RPAP2: variants seen among roughly 807,000 people sequenced by gnomAD.
The protein encoded by RPAP2 is RNA polymerase II associated protein 2.
RPAP2 carries 52 observed loss-of-function variants against 73.1 expected under a neutral mutation model. That is an observed-to-expected ratio of 0.71 (90% CI 0.57 to 0.90). The LOEUF (loss-of-function observed/expected upper bound fraction) is 0.90, where lower values mean the gene tolerates loss of function less well. Among genes scored for constraint, RPAP2 ranks in the 40% least tolerant of loss-of-function variants. RPAP2 has a pLI of 0.00. For synonymous variants in RPAP2, 225 were observed against 242.1 expected (o/e 0.93, Z 0.65); for missense variants, 598 against 701.8 (o/e 0.85, Z 1.67).
chr1:92,309,290 A>C (rs974350104), intron 6 of RPAP2, among the ~76,000 whole-genome samples: 1 of 151,900 alleles, frequency 6.6e-6, no homozygotes, highest in African/African-American at 2.4e-5. Flanking sequence ...AAAAATACAA[A>C]AATTAGCTGG....
intron 2 of RPAP2, among the ~76,000 whole-genome samples, chr1:92,300,639 T>A (rs1650772405): frequency 6.6e-6 from 1 of 152,124 alleles, no homozygotes. Context: ...TAGTTCTGGT[T>A]CTAAAAAGGC....
At position 92,379,266 on chromosome 1, in the gene RPAP2, C is replaced by A. The variant is rs1655516185; in HGVS notation, c.1689-1458C>A. On this transcript the variant is annotated intron_variant, in intron 11 of 12. Coordinates refer to ENST00000610020, the MANE Select transcript of RPAP2 (RefSeq NM_024813.3). Reference sequence around the variant, plus strand: ...TTATTAAATATGCCCAGGCAAATAACCAAGGTTAAATAAATATCTGAAAGA... The same window carrying A: ...TTATTAAATATGCCCAGGCAAATAAACAAGGTTAAATAAATATCTGAAAGA... Among the ~76,000 whole-genome samples, 3 of 151,920 alleles carry A rather than the reference C, an allele frequency of 2.0e-5. 1 individual carries two copies. The South Asian group carries it at 6.2e-4, about 31-fold the overall frequency.
intron 12 of RPAP2, among the ~76,000 whole-genome samples, chr1:92,385,734 A>G (rs1316348773): frequency 6.6e-6 from 1 of 152,220 alleles, no homozygotes; most frequent in African/African-American, 2.4e-5. Flanking sequence ...GTTACTAACA[A>G]ATTTCTCCAA....
At chr1:92,338,990 A>G (rs1042014390) in intron 10 of RPAP2, among the ~76,000 whole-genome samples, 4 of 152,310 alleles carry the variant, frequency 2.6e-5, no homozygotes, top group Admixed American at 1.3e-4. Context: ...GCAAACCGAT[A>G]AAGTTATGCT....
chr1:92,375,803 C>G (rs1655361666), intron 11 of RPAP2, among the ~76,000 whole-genome samples: 1 of 151,966 alleles, frequency 6.6e-6, no homozygotes, highest in Non-Finnish European at 1.5e-5. Context: ...TGCACCCCAG[C>G]CTGGGTGACA....
At chr1:92,358,497 T>C (rs76212278) in intron 11 of RPAP2, among the ~76,000 whole-genome samples, 2,122 of 152,332 alleles carry the variant, frequency 0.014, 49 homozygotes, top group African/African-American at 0.047. Flanking sequence ...TTAGCACTTA[T>C]CCTGTTTTCA....
chr1:92,358,472 A>G (rs1375730284), intron 11 of RPAP2, among the ~76,000 whole-genome samples: 1 of 152,036 alleles, frequency 6.6e-6, no homozygotes, highest in Admixed American at 6.6e-5. Flanking sequence ...TTACAACACT[A>G]TATACTTTTC....
chr1:92,379,293 C>T (rs565027655), intron 11 of RPAP2, among the ~76,000 whole-genome samples: 1 of 152,090 alleles, frequency 6.6e-6, no homozygotes, highest in African/African-American at 2.4e-5. Context: ...TCTGAAAGAG[C>T]TTTGTGGGAA....
rs1431859325 is a variant in RPAP2, at chr1:92,398,540, C to A, written c.*11529C>A. 6.6e-6 allele frequency: 1 copy of A among 152,152 alleles called. No individual in the cohort carries two copies. The highest frequency in any genetic ancestry group is 2.4e-5 in the African/African-American group (1 of 41,438). 9.4% of individuals were successfully genotyped at this position (152,152 alleles called of 1,614,324 possible). On this transcript the variant is annotated 3_prime_UTR_variant, in exon 13 of 13. Transcript: ENST00000610020. ...ATCTTTAGTAGCCTCACATTATAAGCCCTTCGTAGAAAAAGAAAAGTAAGC... is the reference window on the plus strand; with the variant it reads ...ATCTTTAGTAGCCTCACATTATAAGACCTTCGTAGAAAAAGAAAAGTAAGC...
chr1:92,312,418 CAAA>C (rs55719262), intron 6 of RPAP2, among the ~76,000 whole-genome samples: 1 of 146,788 alleles, frequency 6.8e-6, no homozygotes, highest in Admixed American at 6.8e-5. Context: ...GACCGTGTCT[CAAA>C]AAAAAAAAAA....
At chr1:92,309,044 GCTCA>G (rs1228032689) in intron 6 of RPAP2, among the ~76,000 whole-genome samples, 2 of 152,158 alleles carry the variant, frequency 1.3e-5, no homozygotes, top group South Asian at 2.1e-4. Context: ...TATTCAGAAT[GCTCA>G]CTGTTTCCCA....
chr1:92,311,908 A>T (rs1040671540), intron 6 of RPAP2, among the ~76,000 whole-genome samples: 1 of 152,186 alleles, frequency 6.6e-6, no homozygotes, highest in African/African-American at 2.4e-5. Flanking sequence ...GCAAGTATTA[A>T]TCTTTTTGCT....
intron 11 of RPAP2, among the ~76,000 whole-genome samples, chr1:92,357,184 A>T (rs533679489): frequency 3.3e-5 from 5 of 152,306 alleles, no homozygotes; most frequent in Admixed American, 3.3e-4. Flanking sequence ...AGGGAATACA[A>T]AGATTAAACA....
At chr1:92,321,075 T>C (rs1652226917) in intron 7 of RPAP2, among the ~76,000 whole-genome samples, 1 of 152,220 alleles carries the variant, frequency 6.6e-6, no homozygotes, top group Admixed American at 6.5e-5. Context: ...TTTCTAAACT[T>C]TCCTCATGGT....
intron 11 of RPAP2, among the ~76,000 whole-genome samples, chr1:92,374,886 T>C (rs1655320631): frequency 6.6e-6 from 1 of 152,028 alleles, no homozygotes; most frequent in African/African-American, 2.4e-5. Context: ...GGGTGATGGG[T>C]GCACCAGAAT....
At chr1:92,312,039 G>A (rs1034482854) in intron 6 of RPAP2, among the ~76,000 whole-genome samples, 8 of 152,122 alleles carry the variant, frequency 5.3e-5, no homozygotes, top group Non-Finnish European at 8.8e-5. Flanking sequence ...TGCACTGATC[G>A]ACTTCCTTTC....
chr1:92,327,598 G>A (rs189903101), intron 8 of RPAP2, among the ~76,000 whole-genome samples: 8 of 152,070 alleles, frequency 5.3e-5, no homozygotes, highest in Non-Finnish European at 1.0e-4. Context: ...TGGTGAATTC[G>A]TATTAATTTT....
Position 92,346,052 on chromosome 1 carries a change from T to C in RPAP2, c.1688+138T>C, listed in dbSNP as rs559224136. 567 of 543,556 alleles carry C rather than the reference T, an allele frequency of 1.0e-3. 9 individuals carry two copies. In the South Asian group the frequency reaches 0.017, roughly 16 times the overall value. 33.7% of individuals were successfully genotyped at this position (543,556 alleles called of 1,614,324 possible). A position where few individuals can be genotyped will look rare whatever the true frequency, so the allele number is the denominator to read the frequency against. ...TATTTTGTGCCTTATTTTCCTTTCC[T>C]ATGTAAGAAAACAATTTTTATTTAA... On this transcript the variant is annotated intron_variant, in intron 11 of 12. Transcript: ENST00000610020.
In RPAP2 at chr1:92,379,046, C is replaced by T. The variant is rs192950101; in HGVS notation, c.1689-1678C>T. Among the ~76,000 whole-genome samples, 13 of 152,332 alleles carry T rather than the reference C, an allele frequency of 8.5e-5. No homozygotes were observed. In the East Asian group the frequency reaches 9.6e-4, roughly 11 times the overall value. On this transcript the variant is annotated intron_variant, in intron 11 of 12. Transcript: ENST00000610020. ...AGGGACATAGAGAATTTCCCACCTC[C>T]TCTGGAAGTCCTGGCCATATTTGGA... is the stretch of plus-strand genomic sequence containing the variant.
Sources: allele counts gnomAD v4.1 joint callset (sites outside exome capture counted in the v4.1 genomes callset), GRCh38; gene constraint gnomAD v4.1.1; transcripts MANE v1.5; gene names NCBI Gene and HGNC (gene_info 2026-07-23, HGNC 2026-07-21).